UGT1A8: variants seen among roughly 807,000 people sequenced by gnomAD.
UGT1A8 encodes UDP glucuronosyltransferase family 1 member A8.
Under a neutral mutation model 45.3 loss-of-function variants are expected in UGT1A8, and 39 were observed. That is an observed-to-expected ratio of 0.86 (90% CI 0.67 to 1.12). The LOEUF (loss-of-function observed/expected upper bound fraction) is 1.12, where lower values mean the gene tolerates loss of function less well. Ranked by LOEUF, UGT1A8 falls within the 50% of genes most tolerant of loss-of-function variation. The pLI is 0.00. For synonymous variants in UGT1A8, 275 were observed against 249.2 expected (o/e 1.10, Z -0.97); for missense variants, 719 against 664.9 (o/e 1.08, Z -0.90).
At chr2:233,653,698 G>A (rs2073790963) in intron 1 of UGT1A8, among the ~76,000 whole-genome samples, 1 of 152,198 alleles carries the variant, frequency 6.6e-6, no homozygotes, top group African/African-American at 2.4e-5. Flanking sequence ...CCGAGTTCAA[G>A]CGATTCTCCT....
intron 1 of UGT1A8, among the ~76,000 whole-genome samples, chr2:233,662,691 C>T (rs539332687): frequency 3.3e-5 from 5 of 152,068 alleles, no homozygotes; most frequent in Admixed American, 6.6e-5. Context: ...CCATTCTTGG[C>T]ATGTGTCTGA....
chr2:233,682,514 C>A lies in UGT1A8; in HGVS notation c.855+63952C>A, dbSNP rs368267055. The stretch of plus-strand genomic sequence containing the variant: ...TGCTCCTCTTTCCTATGTCCCCAGA[C>A]TTCTCTTAGGGTTCTCAGACGCCAT... On this transcript the variant is annotated intron_variant, in intron 1 of 4. Transcript: ENST00000373450. 44 of 1,613,960 alleles carry A rather than the reference C, an allele frequency of 2.7e-5. No individual in the cohort carries two copies. In the East Asian group the frequency reaches 3.6e-4, roughly 13 times the overall value.
chr2:233,734,795 T>G (rs1470883191), intron 1 of UGT1A8, among the ~76,000 whole-genome samples: 1 of 152,214 alleles, frequency 6.6e-6, no homozygotes, highest in Non-Finnish European at 1.5e-5. Context: ...CAGGAGCAGG[T>G]TGTTCAGTTT....
In UGT1A8 at chr2:233,617,642, G is replaced by C. The variant is rs564628361; in HGVS notation, c.-66G>C. The C allele has an allele frequency of 3.4e-4, 520 of 1,545,588 alleles. 1 individual carries two copies. The highest frequency in any genetic ancestry group is 3.9e-4 in the Non-Finnish European group (448 of 1,146,154). On this transcript the variant is annotated 5_prime_UTR_variant, in exon 1 of 5. Coordinates refer to ENST00000373450, the MANE Select transcript of UGT1A8 (RefSeq NM_019076.5). Reference sequence around the variant, plus strand: ...ATTGGGGTCAGGTTTTGTGCCTGTAGTTCTTCCGCCTACTGTATCATAGCA... The same window carrying C: ...ATTGGGGTCAGGTTTTGTGCCTGTACTTCTTCCGCCTACTGTATCATAGCA...
chr2:233,743,837 G>T (rs371252305), intron 1 of UGT1A8: 2 of 1,367,128 alleles, frequency 1.5e-6, no homozygotes, highest in Non-Finnish European at 2.0e-6. Flanking sequence ...CCACTTGAGC[G>T]CCAGCTTGCG....
intron 1 of UGT1A8, among the ~76,000 whole-genome samples, chr2:233,644,041 C>G (rs1163030976): frequency 6.6e-6 from 1 of 152,162 alleles, no homozygotes; most frequent in Non-Finnish European, 1.5e-5. Context: ...TCGGTACTCC[C>G]TTGGCTGCTT....
intron 1 of UGT1A8, chr2:233,743,986 G>A (rs1692630126): frequency 1.6e-6 from 2 of 1,282,376 alleles, no homozygotes; most frequent in South Asian, 2.6e-5. Context: ...CCCAGGCGCA[G>A]GCCCGAGTGC....
intron 1 of UGT1A8, chr2:233,672,792 A>T: frequency 6.2e-7 from 1 of 1,612,922 alleles, no homozygotes; most frequent in Non-Finnish European, 8.5e-7. Flanking sequence ...TGCCTATGGT[A>T]AGTTATCTCT....
At chr2:233,711,977 C>T (rs562474845) in intron 1 of UGT1A8, among the ~76,000 whole-genome samples, 2 of 152,280 alleles carry the variant, frequency 1.3e-5, no homozygotes, top group Admixed American at 6.5e-5. Context: ...TGAACTAGAG[C>T]CCCCACAAAT....
chr2:233,746,205 C>G (rs547152411), intron 1 of UGT1A8, among the ~76,000 whole-genome samples: 7 of 151,856 alleles, frequency 4.6e-5, no homozygotes, highest in Admixed American at 2.6e-4. Flanking sequence ...TATAGCTATA[C>G]TCTAATAGCA....
At chr2:233,670,717 G>A (rs17864684) in intron 1 of UGT1A8, among the ~76,000 whole-genome samples, 23,259 of 152,094 alleles carry the variant, frequency 0.15, 1,856 homozygotes, top group Non-Finnish European at 0.18. Flanking sequence ...TGCTGAATTA[G>A]AGATGTTGGG....
intron 1 of UGT1A8, among the ~76,000 whole-genome samples, chr2:233,656,147 C>T (rs1203739120): frequency 2.0e-5 from 3 of 152,148 alleles, no homozygotes. Flanking sequence ...TTTATGAAGG[C>T]CATCCTGACT....
chr2:233,726,656 T>G (rs1331581430), intron 1 of UGT1A8, among the ~76,000 whole-genome samples: 1 of 152,184 alleles, frequency 6.6e-6, no homozygotes, highest in Non-Finnish European at 1.5e-5. Flanking sequence ...ACTCTTAATT[T>G]AATCATATCT....
intron 1 of UGT1A8, among the ~76,000 whole-genome samples, chr2:233,749,749 G>C (rs1286332209): frequency 2.0e-5 from 3 of 151,910 alleles, no homozygotes; most frequent in Non-Finnish European, 2.9e-5. Context: ...ATCATAGTGA[G>C]TGAGTTCTTA....
intron 1 of UGT1A8, among the ~76,000 whole-genome samples, chr2:233,749,367 C>G (rs893134182): frequency 6.6e-6 from 1 of 151,762 alleles, no homozygotes; most frequent in Non-Finnish European, 1.5e-5. Flanking sequence ...GACTCTTGCC[C>G]TTTTCTTCCA....
intron 1 of UGT1A8, among the ~76,000 whole-genome samples, chr2:233,674,626 C>T (rs1048652149): frequency 7.0e-5 from 10 of 143,878 alleles, no homozygotes; most frequent in Non-Finnish European, 1.2e-4. Flanking sequence ...TATATGGTTT[C>T]ATTTATTTTG....
chr2:233,634,764 G>C (rs1457278296), intron 1 of UGT1A8, among the ~76,000 whole-genome samples: 1 of 146,636 alleles, frequency 6.8e-6, no homozygotes, highest in Non-Finnish European at 1.5e-5. Flanking sequence ...CAATTTGCCA[G>C]TCTGTGTCTT....
chr2:233,713,619 AG>A (rs2076334398), intron 1 of UGT1A8: 1 of 1,613,856 alleles, frequency 6.2e-7, no homozygotes, highest in African/African-American at 1.3e-5. Flanking sequence ...ATTCCTGCAA[AG>A]GGTCAAGAAC....
At chr2:233,756,093 T>C (rs1696120614) in intron 1 of UGT1A8, 1 of 152,228 alleles carries the variant, frequency 6.6e-6, no homozygotes, top group Admixed American at 6.5e-5. Flanking sequence ...TCAAGTAACA[T>C]TATTACGGAA....
Sources: allele counts gnomAD v4.1 joint callset (sites outside exome capture counted in the v4.1 genomes callset), GRCh38; gene constraint gnomAD v4.1.1; transcripts MANE v1.5; gene names NCBI Gene and HGNC (gene_info 2026-07-23, HGNC 2026-07-21).